BCL11A: variants seen among roughly 807,000 people sequenced by gnomAD.
BCL11A encodes BCL11 transcription factor A.
A neutral mutation model predicts 55.9 loss-of-function variants in BCL11A; 2 were observed. The observed-to-expected ratio is 0.04, with a 90% CI of 0.01 to 0.11. The LOEUF is 0.11. Ranked by LOEUF, BCL11A falls within the 10% of genes least tolerant of loss-of-function variation. The pLI, the probability that BCL11A is intolerant of heterozygous loss-of-function variation, is 1.00. For missense variants in BCL11A, 817 were observed against 1,137.1 expected, an observed-to-expected ratio of 0.72 and a Z score of 4.05; for synonymous variants, 465 against 473.4, an observed-to-expected ratio of 0.98 and a Z score of 0.23.
rs200811371 is a variant in BCL11A at position 60,461,317 on chromosome 2, G to A, written c.1595C>T (p.Ala532Val). The change falls in exon 4 of 4, where the codon GCG (alanine) becomes GTG (valine). Residue 532 changes from alanine to valine, a missense_variant. Transcript: ENST00000642384. ...GCTCTCGTCGCCCACGCCCACGACC[G>A]CGCCCCGCGAGCTGTTCTCGTGGTG... is the stretch of plus-strand genomic sequence containing the variant. ...ARHHENSSRG[A>V]VVGVGDESRA... is the part of the protein sequence containing the mutation. 2.0e-4 allele frequency: 325 copies of A among 1,599,702 alleles called. No individual in the cohort carries two copies. The highest frequency in any genetic ancestry group is 3.3e-4 in the Middle Eastern group (2 of 6,012).
chr2:60,482,943 CTT>C (rs983456385), intron 2 of BCL11A, among the ~76,000 whole-genome samples: 1 of 152,212 alleles, frequency 6.6e-6, no homozygotes, highest in Non-Finnish European at 1.5e-5. Context: ...TGAAACAAAT[CTT>C]TCTTTCAAAC....
chr2:60,461,337 G>T lies in BCL11A; in HGVS notation c.1575C>A (p.His525Gln). 6.3e-7 allele frequency: 1 copy of T among 1,593,222 alleles called. No individual in the cohort carries two copies. The highest frequency in any genetic ancestry group is 8.5e-7 in the Non-Finnish European group (1 of 1,174,986). ...FGLSLEAARH[H>Q]ENSSRGAVVG... is the part of the protein sequence containing the mutation. ...CGACCGCGCCCCGCGAGCTGTTCTCGTGGTGGCGCGCCGCCTCCAGGCTCA... is the reference window on the plus strand; with the variant it reads ...CGACCGCGCCCCGCGAGCTGTTCTCTTGGTGGCGCGCCGCCTCCAGGCTCA... The change falls in exon 4 of 4, where the codon CAC (histidine) becomes CAA (glutamine). Residue 525 changes from histidine to glutamine, a missense_variant. His to Gln is a conservative substitution (Grantham distance 24, BLOSUM62 0). This residue lies in a region of BCL11A where 379 missense variants were observed against 425.3 expected (regional missense o/e 0.89). Coordinates refer to ENST00000642384, the MANE Select transcript of BCL11A (RefSeq NM_022893.4).
At chr2:60,524,488 C>G (rs1338335507) in intron 2 of BCL11A, 1 of 150,154 alleles carries the variant, frequency 6.7e-6, no homozygotes, top group African/African-American at 2.5e-5. Context: ...TTTCTTTTTT[C>G]TTGTTTTTTA....
chr2:60,477,347 C>A (rs576573428), intron 2 of BCL11A, among the ~76,000 whole-genome samples: 3 of 152,314 alleles, frequency 2.0e-5, no homozygotes, highest in Non-Finnish European at 2.9e-5. Context: ...CCACCCCAAG[C>A]CTTTTTATCT....
chr2:60,486,689 G>A (rs1321409306), intron 2 of BCL11A, among the ~76,000 whole-genome samples: 2 of 152,178 alleles, frequency 1.3e-5, no homozygotes, highest in Non-Finnish European at 2.9e-5. Flanking sequence ...TCAACATCAG[G>A]ATTGGGCCTG....
chr2:60,467,105 G>GTGA (rs1676668601), intron 3 of BCL11A, among the ~76,000 whole-genome samples: 1 of 146,842 alleles, frequency 6.8e-6, no homozygotes, highest in Non-Finnish European at 1.5e-5. Flanking sequence ...GATGATGGTG[G>GTGA]TGGTAGTGGT....
rs140403961 is a variant in BCL11A at position 60,513,331 on chromosome 2, G to A, written c.385+32640C>T. Among the ~76,000 whole-genome samples the A allele has an allele frequency of 3.2e-4, 48 of 152,284 alleles. 1 individual carries two copies. Among genetic ancestry groups the A allele is most frequent in the African/African-American group, 1.1e-3 (45 of 41,550 alleles). ...GGGGACAAGGAATTTAGTCCCAGGA[G>A]TGGCACTAGAAGGAGTCCCTGCTCC... On this transcript the variant is annotated intron_variant, in intron 2 of 3. Transcript: ENST00000642384.
In BCL11A at chr2:60,458,901, C is replaced by A. The variant is rs1363736012; in HGVS notation, c.*1503G>T. On this transcript the variant is annotated 3_prime_UTR_variant, in exon 4 of 4. Transcript: ENST00000642384. Reference sequence around the variant, plus strand: ...AAAAATAAAAACAATGAATCCTCTTCCATGTTAACACAAATAGCACACAGT... The same window carrying A: ...AAAAATAAAAACAATGAATCCTCTTACATGTTAACACAAATAGCACACAGT... 1 of 1,032,858 alleles carries A rather than the reference C, an allele frequency of 9.7e-7. No individual in the cohort carries two copies. The highest frequency in any genetic ancestry group is 1.2e-6 in the Non-Finnish European group (1 of 858,066). 64.0% of individuals were successfully genotyped at this position (1,032,858 alleles called of 1,614,324 possible).
At chr2:60,505,900 C>T (rs564053773) in intron 2 of BCL11A, among the ~76,000 whole-genome samples, 2 of 152,276 alleles carry the variant, frequency 1.3e-5, no homozygotes, top group African/African-American at 4.8e-5. Context: ...ATCTGCATCC[C>T]GTAAATACCC....
intron 2 of BCL11A, chr2:60,522,089 T>TATTG (rs1669021741): frequency 6.6e-6 from 1 of 152,216 alleles, no homozygotes; most frequent in African/African-American, 2.4e-5. Flanking sequence ...CATACTGCTC[T>TATTG]CCACCAGTCA....
At chr2:60,482,923 G>A (rs1678043785) in intron 2 of BCL11A, among the ~76,000 whole-genome samples, 1 of 152,226 alleles carries the variant, frequency 6.6e-6, no homozygotes, top group African/African-American at 2.4e-5. Flanking sequence ...TTGATTGGCA[G>A]AGTCCCCACT....
At chr2:60,510,287 T>C (rs772926972) in intron 2 of BCL11A, among the ~76,000 whole-genome samples, 2 of 151,986 alleles carry the variant, frequency 1.3e-5, no homozygotes, top group African/African-American at 2.4e-5. Context: ...CCTCTCCTCC[T>C]CCTCCTGCAC....
intron 2 of BCL11A, among the ~76,000 whole-genome samples, chr2:60,470,297 TAAC>T (rs1292640041): frequency 6.6e-6 from 1 of 152,182 alleles, no homozygotes; most frequent in Non-Finnish European, 1.5e-5. Flanking sequence ...AGACCGGACT[TAAC>T]AAACAAGTAT....
At position 60,546,158 on chromosome 2, in the gene BCL11A, G is replaced by A; in HGVS notation, c.198C>T (p.His66=). Residue 66 remains histidine (H), a synonymous_variant, in exon 2 of 4, where the codon CAC becomes CAT. Coordinates refer to ENST00000642384, the MANE Select transcript of BCL11A (RefSeq NM_022893.4). This position sits in a 1 kb window ranked among gnomAD's most constrained non-coding sequence, Gnocchi z 4.1. The part of the protein sequence containing the change: ...PLGDILIFIE[H]KRKQCNGSLC... ...GGCTGCCATTGCATTGTTTCCGTTT[G>A]TGCTCGATAAAAATAAGAATGTCCC... 1 of 1,614,194 alleles carries A rather than the reference G, an allele frequency of 6.2e-7. No homozygotes were observed. The highest frequency in any genetic ancestry group is 8.5e-7 in the Non-Finnish European group (1 of 1,180,038).
intron 1 of BCL11A, among the ~76,000 whole-genome samples, chr2:60,547,174 A>G (rs1466305823): frequency 6.6e-6 from 1 of 152,150 alleles, no homozygotes; most frequent in Non-Finnish European, 1.5e-5. Flanking sequence ...GGCATCTATG[A>G]TATAAAAATC....
At chr2:60,452,305 T>G (rs1675755858), downstream of BCL11A, 2 of 359,654 alleles carry the variant, frequency 5.6e-6, no homozygotes, top group East Asian at 8.7e-5. Flanking sequence ...AGGGCATCAC[T>G]CATGACAGCG....
intron 2 of BCL11A, chr2:60,541,688 T>C (rs1292550181): frequency 2.1e-6 from 1 of 477,666 alleles, no homozygotes; most frequent in Non-Finnish European, 3.7e-6. Context: ...TATTCTCTAC[T>C]CTCTGGATTT....
Position 60,458,259 on chromosome 2 carries a change from C to T in BCL11A, c.*2145G>A, listed in dbSNP as rs1442111053. On this transcript the variant is annotated 3_prime_UTR_variant, in exon 4 of 4. Coordinates refer to ENST00000642384, the MANE Select transcript of BCL11A (RefSeq NM_022893.4). ...ATTTAAGTACTATATAATCTTAAAC[C>T]TTTCCCCAATGTATGTTTTTTTTTT... 2 of 1,024,400 alleles carry T rather than the reference C, an allele frequency of 2.0e-6. No homozygotes were observed. The highest frequency in any genetic ancestry group is 5.8e-5 in the Admixed American group (1 of 17,232). 63.5% of individuals were successfully genotyped at this position (1,024,400 alleles called of 1,614,324 possible). A position where few individuals can be genotyped will look rare whatever the true frequency, so the allele number is the denominator to read the frequency against.
chr2:60,504,223 T>C (rs1210796572), intron 2 of BCL11A, among the ~76,000 whole-genome samples: 7 of 152,172 alleles, frequency 4.6e-5, no homozygotes, highest in Non-Finnish European at 8.8e-5. Context: ...TGCACTGTGG[T>C]TTCCCCAGCA....
Sources: gnomAD v4.1 joint callset for allele counts (sites outside exome capture counted in the v4.1 genomes callset) on GRCh38, gnomAD v4.1.1 for gene constraint, gnomAD v4.1.1 regional missense constraint, Gnocchi (gnomAD v3.1) non-coding constraint, MANE v1.5 for transcripts, NCBI Gene and HGNC (gene_info 2026-07-23, HGNC 2026-07-21) for gene names.